SPAG9: variants seen among roughly 807,000 people sequenced by gnomAD.
SPAG9 encodes the protein C-Jun-amino-terminal kinase-interacting protein 4.
Under a neutral mutation model 166.5 loss-of-function variants are expected in SPAG9, and 35 were observed. The observed-to-expected ratio is 0.21, with a 90% CI of 0.16 to 0.28. The LOEUF is 0.28. Among genes scored for constraint, SPAG9 ranks in the 10% least tolerant of loss-of-function variants. The pLI, the probability that SPAG9 is intolerant of heterozygous loss-of-function variation, is 1.00. For synonymous variants in SPAG9, 534 were observed against 565.5 expected (o/e 0.94, Z 0.79); for missense variants, 1,235 against 1,603.3 (o/e 0.77, Z 3.92).
chr17:50,976,872 G>T, intron 27 of SPAG9: 1 of 376,630 alleles, frequency 2.7e-6, no homozygotes, highest in South Asian at 3.4e-5. Context: ...AAATAGGACT[G>T]TGATTCCTGA....
intron 2 of SPAG9, among the ~76,000 whole-genome samples, chr17:51,078,888 TTTACC>T (rs1298826198): frequency 2.6e-5 from 4 of 152,050 alleles, no homozygotes; most frequent in East Asian, 3.8e-4. Flanking sequence ...AAGCTGTAAG[TTTACC>T]TTACATTTTT....
In SPAG9 at chr17:50,966,258, T is replaced by C. The variant is rs1973356149; in HGVS notation, c.*14A>G. On this transcript the variant is annotated 3_prime_UTR_variant, in exon 30 of 30. Coordinates refer to ENST00000262013, the MANE Select transcript of SPAG9 (RefSeq NM_001130528.3). The stretch of plus-strand genomic sequence containing the variant: ...AAGAGACGGCTTCCCCATCTCCACC[T>C]GTTTCCCATGGGCTCACTCATTGCC... 1 of 1,507,774 alleles carries C rather than the reference T, an allele frequency of 6.6e-7. No homozygotes were observed. The highest frequency in any genetic ancestry group is 9.2e-7 in the Non-Finnish European group (1 of 1,083,672). The allele number at this position is 1,507,774 out of a possible 1,614,324, so 93.4% of individuals were successfully genotyped here.
rs3075108 is a variant in SPAG9 at position 51,007,110 on chromosome 17, GGTGT to G, written c.1271+155_1271+158del. Among the ~76,000 whole-genome samples, 1,317 of 145,964 alleles carry G rather than the reference GGTGT, an allele frequency of 9.0e-3. 9 individuals carry two copies. The highest frequency in any genetic ancestry group is 0.021 in the South Asian group (94 of 4,518). On this transcript the variant is annotated intron_variant, in intron 10 of 29. Transcript: ENST00000262013. ...AGGGCAGTGTAGGTCCCAACATTAGGGTGTGTGTGTGTGTGTGTGTGTGTGTGTG... is the reference window on the plus strand; with the variant it reads ...AGGGCAGTGTAGGTCCCAACATTAGGGTGTGTGTGTGTGTGTGTGTGTGTG...
intron 8 of SPAG9, among the ~76,000 whole-genome samples, chr17:51,017,470 G>C (rs996208211): frequency 6.2e-4 from 95 of 152,014 alleles, no homozygotes; most frequent in African/African-American, 2.2e-3. Flanking sequence ...CAAGAAGCAG[G>C]GTGATGTAGG....
At position 51,053,367 on chromosome 17, in the gene SPAG9, TA is replaced by T. The variant is rs1314733338; in HGVS notation, c.495+3044del. On this transcript the variant is annotated intron_variant, in intron 3 of 29. Coordinates refer to ENST00000262013, the MANE Select transcript of SPAG9 (RefSeq NM_001130528.3). ...AGTGAGACCTTATCTCTACAAAAAATAAAAATGAAATAAACATTTTAAAAAT... is the reference window on the plus strand; with the variant it reads ...AGTGAGACCTTATCTCTACAAAAAATAAAATGAAATAAACATTTTAAAAAT... Among the ~76,000 whole-genome samples the T allele has an allele frequency of 2.6e-5, 4 of 151,810 alleles. No homozygotes were observed. The East Asian group carries it at 5.8e-4, about 22-fold the overall frequency.
chr17:51,072,609 G>A (rs2047853635), intron 2 of SPAG9, among the ~76,000 whole-genome samples: 1 of 151,788 alleles, frequency 6.6e-6, no homozygotes, highest in Admixed American at 6.6e-5. Context: ...TCTTGAACCT[G>A]GGAGGCGGAA....
chr17:51,059,183 T>C (rs1340075581), intron 2 of SPAG9, among the ~76,000 whole-genome samples: 1 of 152,082 alleles, frequency 6.6e-6, no homozygotes, highest in Non-Finnish European at 1.5e-5. Context: ...TAATCTGAAA[T>C]GTTACAAGTC....
intron 1 of SPAG9, among the ~76,000 whole-genome samples, chr17:51,110,936 GA>G (rs1275795345): frequency 4.6e-5 from 7 of 152,042 alleles, no homozygotes; most frequent in African/African-American, 1.7e-4. Flanking sequence ...CTAACGCAGT[GA>G]AACCCCATCT....
At chr17:51,094,622 G>T (rs2048561106) in intron 1 of SPAG9, among the ~76,000 whole-genome samples, 1 of 152,132 alleles carries the variant, frequency 6.6e-6, no homozygotes, top group South Asian at 2.1e-4. Context: ...AAATGTTGAA[G>T]GAATAACTGG....
intron 5 of SPAG9, among the ~76,000 whole-genome samples, chr17:51,037,685 AGTGTGTGTGT>A (rs746475393): frequency 7.2e-5 from 6 of 83,510 alleles, no homozygotes; most frequent in Non-Finnish European, 1.5e-4. Context: ...ATATATATAT[AGTGTGTGTGT>A]GTGTGTGTGT....
intron 1 of SPAG9, among the ~76,000 whole-genome samples, chr17:51,091,266 C>G (rs1350042520): frequency 7.1e-6 from 1 of 141,456 alleles, no homozygotes; most frequent in African/African-American, 2.7e-5. Flanking sequence ...GATCAAGACC[C>G]TGTATACAAA....
At chr17:51,090,041 C>G (rs1230015580) in intron 1 of SPAG9, among the ~76,000 whole-genome samples, 1 of 151,892 alleles carries the variant, frequency 6.6e-6, no homozygotes, top group Non-Finnish European at 1.5e-5. Context: ...AATGGTTTGC[C>G]TAAAACCTTT....
At chr17:51,110,046 T>C (rs1201816600) in intron 1 of SPAG9, among the ~76,000 whole-genome samples, 1 of 152,108 alleles carries the variant, frequency 6.6e-6, no homozygotes, top group Admixed American at 6.6e-5. Flanking sequence ...AATATGGTGG[T>C]TATATGGCAG....
At position 51,103,450 on chromosome 17, in the gene SPAG9, A is replaced by G. The variant is rs570013470; in HGVS notation, c.303+16904T>C. ...ATAAAATAAGGCAACAGAAAAGAAG[A>G]GAAAGTGAGTGCCAAGCAAAGGGAC... On this transcript the variant is annotated intron_variant, in intron 1 of 29. Coordinates refer to ENST00000262013, the MANE Select transcript of SPAG9 (RefSeq NM_001130528.3). 3.9e-4 allele frequency among the ~76,000 whole-genome samples: 60 copies of G among 152,300 alleles called. 1 individual carries two copies. Among genetic ancestry groups the G allele is most frequent in the Admixed American group, 3.2e-3 (49 of 15,270 alleles).
chr17:51,101,914 C>T (rs556567892), intron 1 of SPAG9, among the ~76,000 whole-genome samples: 2 of 152,254 alleles, frequency 1.3e-5, no homozygotes, highest in Non-Finnish European at 2.9e-5. Flanking sequence ...CATAAGCCAC[C>T]GCGCCTGGCC....
Position 50,991,272 on chromosome 17 carries a change from C to T in SPAG9, c.2399-604G>A, listed in dbSNP as rs537860185. Among the ~76,000 whole-genome samples, 15 of 151,544 alleles carry T rather than the reference C, an allele frequency of 9.9e-5. No individual in the cohort carries two copies. The South Asian group carries it at 2.7e-3, about 27-fold the overall frequency. On this transcript the variant is annotated intron_variant, in intron 19 of 29. Transcript: ENST00000262013. ...AATCTATTATATCTGACAACATCAG[C>T]CAAAAAAAAATTCTTTTAAATCATC...
rs1335594644 is a variant in SPAG9 at position 51,037,685 on chromosome 17, AGTGTG to A, written c.741+3811_741+3815del. Among the ~76,000 whole-genome samples the A allele has an allele frequency of 1.7e-4, 14 of 83,490 alleles. 2 individuals are homozygous for A. Among genetic ancestry groups the A allele is most frequent in the South Asian group, 8.2e-4 (2 of 2,430 alleles). The allele number at this position is 83,490 out of a possible 152,430, so 54.8% of individuals were successfully genotyped here. Reference sequence around the variant, plus strand: ...GTGTTTTATATATATATATATATATAGTGTGTGTGTGTGTGTGTGTGTGTGTGTGT... The same window carrying A: ...GTGTTTTATATATATATATATATATATGTGTGTGTGTGTGTGTGTGTGTGT... On this transcript the variant is annotated intron_variant, in intron 5 of 29. Transcript: ENST00000262013.
In SPAG9 at chr17:51,120,559, C is replaced by G; in HGVS notation, c.98G>C (p.Arg33Pro). ...GCGCCCGATAAGCCGCTCGAACTCG[C>G]GGTAGATGGAGCCGGCCAGGCCGGA... ...RVSGLAGSIY[R>P]EFERLIGRYD... The change falls in exon 1 of 30, where the codon CGC becomes CCC. Residue 33 changes from arginine to proline, a missense_variant. By Grantham distance (103) the Arg-to-Pro change is moderately radical. Transcript: ENST00000262013. The surrounding 1 kb of genome is among the most constrained non-coding windows in gnomAD (Gnocchi z 4.7). 1 of 1,613,734 alleles carries G rather than the reference C, an allele frequency of 6.2e-7. No individual in the cohort carries two copies. The highest frequency in any genetic ancestry group is 8.5e-7 in the Non-Finnish European group (1 of 1,179,826).
intron 11 of SPAG9, 44 bp from the exon 12 acceptor site, chr17:51,005,307 C>T: frequency 6.4e-7 from 1 of 1,570,656 alleles, no homozygotes; most frequent in Admixed American, 1.7e-5. Flanking sequence ...TTGAATTGAG[C>T]TCATCTTTTC....
Sources: gnomAD v4.1 joint callset for allele counts (sites outside exome capture counted in the v4.1 genomes callset) on GRCh38, gnomAD v4.1.1 for gene constraint, Gnocchi (gnomAD v3.1) non-coding constraint, MANE v1.5 for transcripts, NCBI Gene and HGNC (gene_info 2026-07-23, HGNC 2026-07-21) for gene names.